Variants in MAU2 observed in about 807,000 individuals in gnomAD.
The protein encoded by MAU2 is MAU2 sister chromatid cohesion factor.
MAU2 carries 9 observed loss-of-function variants against 89.1 expected under a neutral mutation model. That is an observed-to-expected ratio of 0.10 (90% confidence interval 0.06 to 0.18). MAU2 has a LOEUF of 0.18. Among genes scored for constraint, MAU2 ranks in the 10% least tolerant of loss-of-function variants. MAU2 has a pLI of 1.00. For synonymous variants in MAU2, 357 were observed against 343.4 expected, an observed-to-expected ratio of 1.04 and a Z score of -0.44; for missense variants, 425 against 803.5, an observed-to-expected ratio of 0.53 and a Z score of 5.69.
chr19:19,321,951 C>T (rs1291168407), intron 1 of MAU2: 1 of 151,956 alleles, frequency 6.6e-6, no homozygotes, highest in Non-Finnish European at 1.5e-5. Flanking sequence ...CTTGGTGCCT[C>T]AAAGAATGCG....
At chr19:19,350,574 C>T (rs1189617725) in intron 16 of MAU2, among the ~76,000 whole-genome samples, 1 of 150,672 alleles carries the variant, frequency 6.6e-6, no homozygotes, top group Non-Finnish European at 1.5e-5. Context: ...TCATTGTACT[C>T]CATCCAGCCT....
At chr19:19,347,409 T>G (rs762291456) in intron 13 of MAU2, 43 bp downstream of exon 13, 2 of 1,513,022 alleles carry the variant, frequency 1.3e-6, no homozygotes, top group Admixed American at 1.7e-5. Flanking sequence ...CTCTCTGTTC[T>G]CTTCTTTTTG....
chr19:19,340,393 A>G (rs1599909482), intron 5 of MAU2, among the ~76,000 whole-genome samples: 1 of 151,718 alleles, frequency 6.6e-6, no homozygotes, highest in Non-Finnish European at 1.5e-5. Flanking sequence ...TAATCCCAGC[A>G]CTTTGGGAGG....
chr19:19,353,150 C>G (rs574651372), intron 16 of MAU2: 2 of 152,312 alleles, frequency 1.3e-5, no homozygotes, highest in Middle Eastern at 3.4e-3. Flanking sequence ...GCCTGTTAGG[C>G]TAGAGTGTCC....
chr19:19,345,142 A>G lies in MAU2; in HGVS notation c.1156-162A>G, dbSNP rs2061682847. On this transcript the variant is annotated intron_variant, in intron 11 of 18. Coordinates refer to ENST00000262815, the MANE Select transcript of MAU2 (RefSeq NM_015329.4). The surrounding 1 kb of genome is among the most constrained non-coding windows in gnomAD (Gnocchi z 4.9). ...CCACCCCACATTGGCTTGGGTCTGA[A>G]AGGTGGGGACAGTGAGCATATTACC... is the stretch of plus-strand genomic sequence containing the variant. The G allele has an allele frequency of 1.4e-6, 1 of 736,812 alleles. No homozygotes were observed. Among genetic ancestry groups the G allele is most frequent in the Non-Finnish European group, 2.3e-6 (1 of 432,592 alleles). 45.6% of individuals were successfully genotyped at this position (736,812 alleles called of 1,614,324 possible).
rs1165733047 is a variant in MAU2, at chr19:19,358,535, A to C, written c.*2753A>C. ...TGTCAGTTGTCTCTTCGTTTTGTTA[A>C]GGTTTTTAATAAGTACGTTTGGCAT... On this transcript the variant is annotated 3_prime_UTR_variant, in exon 19 of 19. Transcript: ENST00000262815. 2.0e-5 allele frequency: 3 copies of C among 152,230 alleles called. No individual in the cohort carries two copies. The highest frequency in any genetic ancestry group is 4.4e-5 in the Non-Finnish European group (3 of 68,038). 9.4% of individuals were successfully genotyped at this position (152,230 alleles called of 1,614,324 possible).
chr19:19,351,818 C>G (rs1481647560), intron 16 of MAU2, among the ~76,000 whole-genome samples: 1 of 145,692 alleles, frequency 6.9e-6, no homozygotes, highest in Admixed American at 6.9e-5. Context: ...GGAGGTTTTG[C>G]TTGTCAGCCT....
At chr19:19,344,808 A>G in intron 10 of MAU2, 41 bp from the exon 11 acceptor site, 1 of 1,550,710 alleles carries the variant, frequency 6.4e-7, no homozygotes, top group Non-Finnish European at 8.9e-7. Context: ...GCCAGGTCCC[A>G]GGTTGCAGTC....
chr19:19,337,063 A>T, intron 3 of MAU2, 107 bp from the exon 4 acceptor site: 1 of 798,596 alleles, frequency 1.3e-6, no homozygotes, highest in Non-Finnish European at 2.1e-6. Flanking sequence ...GGTAAGCATG[A>T]ACAGGAACTG....
Position 19,356,108 on chromosome 19 carries a change from T to G in MAU2, c.*326T>G. On this transcript the variant is annotated 3_prime_UTR_variant, in exon 19 of 19. Transcript: ENST00000262815. ...GAGTAGGGTGCAGGCCTCCAGCAGG[T>G]CCTAATCCTGTGTGCCAGGGCAGGC... 1.9e-6 allele frequency: 1 copy of G among 514,666 alleles called. No individual in the cohort carries two copies. The highest frequency in any genetic ancestry group is 3.8e-6 in the Non-Finnish European group (1 of 263,252). 31.9% of individuals were successfully genotyped at this position (514,666 alleles called of 1,614,324 possible).
rs1226364330 is a variant in MAU2 at position 19,357,944 on chromosome 19, A to G, written c.*2162A>G. The G allele has an allele frequency of 6.6e-6, 1 of 151,978 alleles. No individual in the cohort carries two copies. Among genetic ancestry groups the G allele is most frequent in the East Asian group, 1.9e-4 (1 of 5,146 alleles). The allele number at this position is 151,978 out of a possible 1,614,324, so 9.4% of individuals were successfully genotyped here. A position where few individuals can be genotyped will look rare whatever the true frequency, so the allele number is the denominator to read the frequency against. ...TCAATTGCAAGAATAGAGGCCAGAC[A>G]CGGTGGCGCATGCCTGTAGTCCCAG... On this transcript the variant is annotated 3_prime_UTR_variant, in exon 19 of 19. Transcript: ENST00000262815.
chr19:19,336,718 A>G (rs2061599522), intron 3 of MAU2, among the ~76,000 whole-genome samples: 1 of 152,056 alleles, frequency 6.6e-6, no homozygotes, highest in South Asian at 2.1e-4. Context: ...CTCACCTGAC[A>G]AGTCTGTACA....
At chr19:19,342,124 G>A (rs553608480) in intron 7 of MAU2, among the ~76,000 whole-genome samples, 6 of 152,224 alleles carry the variant, frequency 3.9e-5, no homozygotes, top group Middle Eastern at 3.4e-3. Flanking sequence ...GACATCCCTC[G>A]GGGCCTCAGG....
chr19:19,326,379 CCT>C (rs971017846), intron 1 of MAU2, among the ~76,000 whole-genome samples: 1 of 151,638 alleles, frequency 6.6e-6, no homozygotes, highest in African/African-American at 2.4e-5. Flanking sequence ...ATAGCAAAAC[CCT>C]GTCTCTACCA....
chr19:19,354,485 G>A (rs1194390056), intron 17 of MAU2, 40 bp downstream of exon 17: 2 of 1,562,670 alleles, frequency 1.3e-6, no homozygotes, highest in Admixed American at 1.7e-5. Flanking sequence ...GCCCCAGCCT[G>A]GCCCTCCCCA....
rs532707966 is a variant in MAU2 at position 19,354,829 on chromosome 19, G to A, written c.1639+384G>A. ...CGGGCACTCAGCGGGTATCATTGCT[G>A]TTACCGCAGCTCCCCCATTTCCAGA... On this transcript the variant is annotated intron_variant, in intron 17 of 18. Coordinates refer to ENST00000262815, the MANE Select transcript of MAU2 (RefSeq NM_015329.4). Among the ~76,000 whole-genome samples the A allele has an allele frequency of 6.6e-5, 10 of 152,298 alleles. No individual in the cohort carries two copies. In the South Asian group the frequency reaches 2.1e-3, roughly 32 times the overall value.
At chr19:19,332,326 A>ATTTTTTTTTTT (rs35913129) in intron 1 of MAU2, among the ~76,000 whole-genome samples, 1 of 101,974 alleles carries the variant, frequency 9.8e-6, no homozygotes, top group Non-Finnish European at 1.8e-5. Context: ...TGCCTGGCTG[A>ATTTTTTTTTTT]TTTTTTTTTT....
chr19:19,348,800 T>G lies in MAU2; in HGVS notation c.1309-89T>G, dbSNP rs188840061. 4,859 of 1,396,572 alleles carry G rather than the reference T, an allele frequency of 3.5e-3. 15 individuals are homozygous for G. Among genetic ancestry groups the G allele is most frequent in the Non-Finnish European group, 4.4e-3 (4,359 of 982,614 alleles). 86.5% of individuals were successfully genotyped at this position (1,396,572 alleles called of 1,614,324 possible). A position where few individuals can be genotyped will look rare whatever the true frequency, so the allele number is the denominator to read the frequency against. ...GGAGGCCACAGTCCCGACGGGGGTG[T>G]AGAGAAATTCCCATGCACTGCAGTG... On this transcript the variant is annotated intron_variant, in intron 13 of 18. Coordinates refer to ENST00000262815, the MANE Select transcript of MAU2 (RefSeq NM_015329.4).
At chr19:19,334,873 A>G (rs533831965) in intron 1 of MAU2, among the ~76,000 whole-genome samples, 3 of 152,298 alleles carry the variant, frequency 2.0e-5, no homozygotes, top group Admixed American at 1.3e-4. Context: ...GAGTGCGATG[A>G]GTTAGGGTCT....
Sources: gnomAD v4.1 joint callset for allele counts (sites outside exome capture counted in the v4.1 genomes callset) on GRCh38, gnomAD v4.1.1 for gene constraint, Gnocchi (gnomAD v3.1) non-coding constraint, MANE v1.5 for transcripts, NCBI Gene and HGNC (gene_info 2026-07-23, HGNC 2026-07-21) for gene names.